KIF26B: variants seen among roughly 807,000 people sequenced by gnomAD.
The protein encoded by KIF26B is kinesin family member 26B.
A neutral mutation model predicts 151.2 loss-of-function variants in KIF26B; 63 were observed. That is an observed-to-expected ratio of 0.42 (90% confidence interval 0.34 to 0.51). The LOEUF (loss-of-function observed/expected upper bound fraction) is 0.51. Ranked by LOEUF, KIF26B falls within the 20% of genes least tolerant of loss-of-function variation. The pLI, the probability that KIF26B is intolerant of heterozygous loss-of-function variation, is 0.07. For missense variants in KIF26B, 2,813 were observed against 2,913.6 expected, an observed-to-expected ratio of 0.97 and a Z score of 0.79; for synonymous variants, 1,357 against 1,262.1, an observed-to-expected ratio of 1.08 and a Z score of -1.59.
chr1:245,552,924 G>C (rs938546230), intron 5 of KIF26B, among the ~76,000 whole-genome samples: 1 of 152,184 alleles, frequency 6.6e-6, no homozygotes. Context: ...ATACAGCCCT[G>C]AGAGGTAGGC....
At chr1:245,173,955 T>C (rs970704829) in intron 2 of KIF26B, among the ~76,000 whole-genome samples, 3 of 152,130 alleles carry the variant, frequency 2.0e-5, no homozygotes, top group Admixed American at 2.0e-4. Context: ...GTTAGAAAAG[T>C]TTTACACGGG....
rs1327337067 is a variant in KIF26B at position 245,439,355 on chromosome 1, A to AG, written c.1166+19610_1166+19611insG. Among the ~76,000 whole-genome samples the AG allele has an allele frequency of 4.0e-3, 508 of 126,330 alleles. 2 individuals are homozygous for AG. The highest frequency in any genetic ancestry group is 0.014 in the African/African-American group (475 of 33,710). 82.9% of individuals were successfully genotyped at this position (126,330 alleles called of 152,430 possible). The stretch of plus-strand genomic sequence containing the variant: ...GAACAAGACCCTGTCTCAAAAAAAA[A>AG]AAAAAAAAGAAAAAAGAAAGGTAAT... On this transcript the variant is annotated intron_variant, in intron 4 of 14. Coordinates refer to ENST00000407071, the MANE Select transcript of KIF26B (RefSeq NM_018012.4).
intron 2 of KIF26B, among the ~76,000 whole-genome samples, chr1:245,292,884 A>C (rs1220227230): frequency 2.6e-5 from 4 of 152,142 alleles, no homozygotes; most frequent in Non-Finnish European, 5.9e-5. Flanking sequence ...CCTCTGGCTG[A>C]CAGTTCATTA....
At chr1:245,491,566 A>G (rs1383114375) in intron 4 of KIF26B, among the ~76,000 whole-genome samples, 1 of 152,118 alleles carries the variant, frequency 6.6e-6, no homozygotes, top group Admixed American at 6.6e-5. Flanking sequence ...GGAGCTCCTT[A>G]TGGAGGAGAG....
intron 4 of KIF26B, among the ~76,000 whole-genome samples, chr1:245,492,126 C>A (rs946493139): frequency 6.6e-6 from 1 of 152,210 alleles, no homozygotes; most frequent in Non-Finnish European, 1.5e-5. Context: ...TCTGCTTTTA[C>A]AGCGGGACAA....
chr1:245,633,319 T>C (rs2043801549), intron 9 of KIF26B, among the ~76,000 whole-genome samples: 1 of 151,922 alleles, frequency 6.6e-6, no homozygotes, highest in African/African-American at 2.4e-5. Flanking sequence ...ATCTTGTCTA[T>C]ATTTTTTACT....
rs1040691777 is a variant in KIF26B at position 245,166,030 on chromosome 1, C to T, written c.465+9347C>T. Among the ~76,000 whole-genome samples the T allele has an allele frequency of 1.3e-5, 2 of 152,152 alleles. No homozygotes were observed. The highest frequency in any genetic ancestry group is 2.1e-4 in the South Asian group (1 of 4,824). The stretch of plus-strand genomic sequence containing the variant: ...TGAAGAACTACAATCAACAGACTTG[C>T]GTGCAAAACCAGGCTCCGTCACTTA... On this transcript the variant is annotated intron_variant, in intron 2 of 14. Coordinates refer to ENST00000407071, the MANE Select transcript of KIF26B (RefSeq NM_018012.4). This position sits in a 1 kb window ranked among gnomAD's most constrained non-coding sequence, Gnocchi z 4.5.
chr1:245,587,422 T>G (rs2043240100), intron 5 of KIF26B, among the ~76,000 whole-genome samples: 1 of 152,172 alleles, frequency 6.6e-6, no homozygotes, highest in South Asian at 2.1e-4. Context: ...TAAGGGGTAC[T>G]TAACAGATGC....
At position 245,389,427 on chromosome 1, in the gene KIF26B, C is replaced by A. The variant is rs142394540; in HGVS notation, c.999+22060C>A. Among the ~76,000 whole-genome samples, 792 of 152,176 alleles carry A rather than the reference C, an allele frequency of 5.2e-3. 3 individuals carry two copies. The highest frequency in any genetic ancestry group is 0.027 in the Middle Eastern group (8 of 294). On this transcript the variant is annotated intron_variant, in intron 3 of 14. Coordinates refer to ENST00000407071, the MANE Select transcript of KIF26B (RefSeq NM_018012.4). Reference sequence around the variant, plus strand: ...CACTCCTGGCCAAAAAAAAAAAGCCCATTTTCCATGTACACACACTCACAT... The same window carrying A: ...CACTCCTGGCCAAAAAAAAAAAGCCAATTTTCCATGTACACACACTCACAT...
intron 9 of KIF26B, among the ~76,000 whole-genome samples, chr1:245,641,869 G>T (rs547662606): frequency 6.7e-6 from 1 of 150,118 alleles, no homozygotes; most frequent in Non-Finnish European, 1.5e-5. Context: ...TGTTCTTGAC[G>T]CTTGAAGTAT....
intron 2 of KIF26B, among the ~76,000 whole-genome samples, chr1:245,236,060 G>A (rs1193036419): frequency 1.3e-5 from 2 of 151,830 alleles, no homozygotes. Flanking sequence ...TTCCCGAGTA[G>A]CTGGGACTAC....
intron 4 of KIF26B, among the ~76,000 whole-genome samples, chr1:245,434,998 T>TCCAC (rs1658871367): frequency 6.7e-6 from 1 of 148,910 alleles, no homozygotes; most frequent in Non-Finnish European, 1.5e-5. Flanking sequence ...CATCCATCCA[T>TCCAC]CCATCCATCC....
chr1:245,386,335 C>CGAAAAA (rs1673544112), intron 3 of KIF26B, among the ~76,000 whole-genome samples: 1 of 57,082 alleles, frequency 1.8e-5, no homozygotes. Context: ...TGTAATTGAT[C>CGAAAAA]TAAAAAAAAA....
chr1:245,190,643 T>TG (rs200123707), intron 2 of KIF26B, among the ~76,000 whole-genome samples: 4,115 of 150,594 alleles, frequency 0.027, 212 homozygotes, highest in African/African-American at 0.089. Context: ...TGTTTTGTTT[T>TG]TTTTTTTTTT....
intron 2 of KIF26B, among the ~76,000 whole-genome samples, chr1:245,268,177 A>G (rs1670782636): frequency 6.6e-6 from 1 of 151,942 alleles, no homozygotes; most frequent in African/African-American, 2.4e-5. Context: ...GTCTGTAAAG[A>G]AATAATAACA....
At chr1:245,323,653 T>G (rs1173499028) in intron 2 of KIF26B, among the ~76,000 whole-genome samples, 1 of 152,212 alleles carries the variant, frequency 6.6e-6, no homozygotes, top group African/African-American at 2.4e-5. Flanking sequence ...CAATTTTTAG[T>G]TAAGAAAGGC....
At chr1:245,207,778 C>G (rs574170467) in intron 2 of KIF26B, among the ~76,000 whole-genome samples, 1 of 152,198 alleles carries the variant, frequency 6.6e-6, no homozygotes, top group Non-Finnish European at 1.5e-5. Context: ...CCCAAACACA[C>G]GTACACATCG....
At chr1:245,663,815 A>G (rs767424809) in intron 10 of KIF26B, among the ~76,000 whole-genome samples, 5 of 152,156 alleles carry the variant, frequency 3.3e-5, no homozygotes, top group Non-Finnish European at 5.9e-5. Flanking sequence ...CAAGACAGTC[A>G]TGTCTTGAAT....
At chr1:245,421,745 A>G (rs377152284) in intron 4 of KIF26B, among the ~76,000 whole-genome samples, 10 of 152,058 alleles carry the variant, frequency 6.6e-5, no homozygotes, top group African/African-American at 2.2e-4. Context: ...ATTTAAGGAG[A>G]ACATGAGTTC....
Sources: gnomAD v4.1 joint callset for allele counts (sites outside exome capture counted in the v4.1 genomes callset) on GRCh38, gnomAD v4.1.1 for gene constraint, Gnocchi (gnomAD v3.1) non-coding constraint, MANE v1.5 for transcripts, NCBI Gene and HGNC (gene_info 2026-07-23, HGNC 2026-07-21) for gene names.